Variants in AGBL1 observed in about 807,000 individuals in gnomAD.
AGBL1 encodes cytosolic carboxypeptidase 4.
A neutral mutation model predicts 118.9 loss-of-function variants in AGBL1; 130 were observed. That is an observed-to-expected ratio of 1.09 (90% CI 0.95 to 1.26). The LOEUF (loss-of-function observed/expected upper bound fraction) is 1.26. Ranked by LOEUF, AGBL1 falls within the 50% of genes most tolerant of loss-of-function variation. The probability of loss-of-function intolerance (pLI) is 0.00; values close to 1 mark genes in which losing one functional copy is unlikely to be tolerated. For synonymous variants in AGBL1, 555 were observed against 478.9 expected, an observed-to-expected ratio of 1.16 and a Z score of -2.08; for missense variants, 1,584 against 1,298.1, an observed-to-expected ratio of 1.22 and a Z score of -3.38.
chr15:86,577,456 C>G (rs547514654), intron 21 of AGBL1, among the ~76,000 whole-genome samples: 70 of 152,226 alleles, frequency 4.6e-4, no homozygotes, highest in African/African-American at 1.7e-3. Context: ...TTCAGCCTGA[C>G]AATGTGATAG....
In AGBL1 at chr15:86,279,704, C is replaced by T. The variant is rs1489777606; in HGVS notation, c.2141C>T (p.Thr714Ile). ...GASGKCYYTL[T>I]FAVTFPHSED... ...TCTGGGAAGTGCTACTATACCCTCA[C>T]CTTTGCTGTCACCTTCCCACACAGT... The change falls in exon 16 of 23, where the codon ACC becomes ATC. Residue 714 changes from threonine (T) to isoleucine (I), a missense_variant. Transcript: ENST00000614907. 2 of 1,613,482 alleles carry T rather than the reference C, an allele frequency of 1.2e-6. No homozygotes were observed. The highest frequency in any genetic ancestry group is 1.3e-5 in the African/African-American group (1 of 75,020).
intron 23 of AGBL1, among the ~76,000 whole-genome samples, chr15:86,957,389 A>G (rs1267693299): frequency 1.3e-5 from 2 of 152,092 alleles, no homozygotes; most frequent in African/African-American, 4.8e-5. Flanking sequence ...TTTGGGAAAA[A>G]GTTAAAATCT....
rs1566088 is a variant in AGBL1, at chr15:86,262,798, C to T, written c.990C>T (p.Asp330=). The change falls in exon 10 of 23, where the codon GAC becomes GAT. Residue 330 remains aspartate, a synonymous_variant. Coordinates refer to ENST00000614907, the MANE Select transcript of AGBL1 (RefSeq NM_001386094.1). ...TTTAGGATGATGACTTGGAAACAGA[C>T]GTGAACAAGCTGAGTTCCAAACCTG... is the stretch of plus-strand genomic sequence containing the variant. ...GKVEDDDLET[D]VNKLSSKPGL... is the part of the protein sequence containing the mutation. 0.59 allele frequency: 939,496 copies of T among 1,601,884 alleles called. 285,503 individuals are homozygous for T. The highest frequency in any genetic ancestry group is 0.9 in the African/African-American group (67,744 of 74,856).
chr15:86,275,086 C>A (rs992794052), intron 15 of AGBL1, among the ~76,000 whole-genome samples: 1 of 152,080 alleles, frequency 6.6e-6, no homozygotes, highest in Non-Finnish European at 1.5e-5. Context: ...TATTTAGTTC[C>A]CTGTGGTCTG....
chr15:86,628,479 T>C (rs1464925418), intron 21 of AGBL1, among the ~76,000 whole-genome samples: 2 of 152,130 alleles, frequency 1.3e-5, no homozygotes, highest in African/African-American at 4.8e-5. Context: ...TAAAACATGT[T>C]TATTGAACTA....
chr15:86,239,643 T>A (rs1338616803), intron 6 of AGBL1, among the ~76,000 whole-genome samples: 1 of 152,212 alleles, frequency 6.6e-6, no homozygotes, highest in Admixed American at 6.5e-5. Context: ...GCTATTTATT[T>A]GGGTCTTTAA....
At chr15:86,500,036 G>A (rs1228076756) in intron 18 of AGBL1, among the ~76,000 whole-genome samples, 1 of 151,848 alleles carries the variant, frequency 6.6e-6, no homozygotes, top group African/African-American at 2.4e-5. Flanking sequence ...CTATTTTTAT[G>A]TTGTGTGAAA....
chr15:86,971,045 T>G (rs1299945605), intron 23 of AGBL1, among the ~76,000 whole-genome samples: 2 of 152,030 alleles, frequency 1.3e-5, no homozygotes, highest in Non-Finnish European at 2.9e-5. Context: ...AAGAGATTTG[T>G]GCATTCGTGA....
intron 22 of AGBL1, among the ~76,000 whole-genome samples, chr15:86,830,151 T>C (rs1404787503): frequency 6.6e-6 from 1 of 152,176 alleles, no homozygotes; most frequent in African/African-American, 2.4e-5. Context: ...ATAACGCATA[T>C]ACTCTACTCT....
At chr15:86,837,769 A>C (rs995841330) in intron 22 of AGBL1, among the ~76,000 whole-genome samples, 6 of 150,602 alleles carry the variant, frequency 4.0e-5, no homozygotes, top group African/African-American at 1.5e-4. Context: ...TTTGGATTAG[A>C]GCGTGAGAGA....
At chr15:87,030,078 TTAAAC>T (rs2081769720), downstream of AGBL1, among the ~76,000 whole-genome samples, 1 of 152,022 alleles carries the variant, frequency 6.6e-6, no homozygotes, top group South Asian at 2.1e-4. Context: ...GGTTGGATAC[TTAAAC>T]TAAACTTAAG....
intron 5 of AGBL1, among the ~76,000 whole-genome samples, chr15:86,210,951 G>T (rs372406081): frequency 6.6e-6 from 1 of 152,282 alleles, no homozygotes; most frequent in East Asian, 1.9e-4. Context: ...CTTCTTTGTG[G>T]TTTTTTCTAC....
intron 6 of AGBL1, among the ~76,000 whole-genome samples, chr15:86,234,498 C>T (rs182449937): frequency 6.3e-5 from 9 of 142,020 alleles, no homozygotes; most frequent in Non-Finnish European, 1.0e-4. Flanking sequence ...TTGCAGTGAG[C>T]GAAGATCACA....
At chr15:86,365,566 T>C (rs188396061) in intron 17 of AGBL1, among the ~76,000 whole-genome samples, 312 of 152,346 alleles carry the variant, frequency 2.0e-3, no homozygotes, top group Admixed American at 3.7e-3. Flanking sequence ...TTGCCTCTTA[T>C]GTGAAACCTA....
chr15:86,987,011 G>A (rs2081290992), intron 23 of AGBL1, among the ~76,000 whole-genome samples: 1 of 152,040 alleles, frequency 6.6e-6, no homozygotes, highest in East Asian at 1.9e-4. Context: ...GGGTCACAAG[G>A]TGCTCAGTTG....
At chr15:86,358,931 T>C (rs915763384) in intron 17 of AGBL1, among the ~76,000 whole-genome samples, 1 of 151,982 alleles carries the variant, frequency 6.6e-6, no homozygotes, top group Non-Finnish European at 1.5e-5. Context: ...TAACCATTTA[T>C]CAGATGTATG....
At chr15:86,827,470 CATATATATATATATGTGTGT>C (rs1477045144) in intron 22 of AGBL1, among the ~76,000 whole-genome samples, 164 of 5,600 alleles carry the variant, frequency 0.029, 2 homozygotes, top group East Asian at 0.071. Flanking sequence ...TATATATATA[CATATATATATATATGTGTGT>C]ATATATATAT....
At chr15:86,460,957 C>A (rs148320410) in intron 18 of AGBL1, among the ~76,000 whole-genome samples, 2 of 152,240 alleles carry the variant, frequency 1.3e-5, no homozygotes, top group African/African-American at 4.8e-5. Flanking sequence ...AGAGAACTGG[C>A]GGTTCAGTAC....
At chr15:86,600,631 G>A (rs1283507280) in intron 21 of AGBL1, among the ~76,000 whole-genome samples, 1 of 152,100 alleles carries the variant, frequency 6.6e-6, no homozygotes, top group Non-Finnish European at 1.5e-5. Context: ...TAGGTGGATT[G>A]ATTAGGAGAG....
Sources: gnomAD v4.1 joint callset for allele counts (sites outside exome capture counted in the v4.1 genomes callset) on GRCh38, gnomAD v4.1.1 for gene constraint, MANE v1.5 for transcripts, NCBI Gene and HGNC (gene_info 2026-07-23, HGNC 2026-07-21) for gene names.